The following FAT4 variants were observed in gnomAD, a reference collection of about 807,000 sequenced individuals.
The protein encoded by FAT4 is protocadherin Fat 4.
Under a neutral mutation model 303.9 loss-of-function variants are expected in FAT4, and 84 were observed. The ratio of observed to expected loss-of-function variants is 0.28; its 90% CI spans 0.23 to 0.33. The LOEUF is 0.33. Among genes scored for constraint, FAT4 ranks in the 10% least tolerant of loss-of-function variants. FAT4 has a pLI of 1.00. For synonymous variants in FAT4, 2,307 were observed against 2,298.8 expected (o/e 1.00, Z -0.10); for missense variants, 6,005 against 6,146.8 (o/e 0.98, Z 0.77).
rs540155475 is a variant in FAT4, at chr4:125,411,509, T to C, written c.5920+2715T>C. On this transcript the variant is annotated intron_variant, in intron 5 of 17. Transcript: ENST00000394329. ...TAATATTGGTGTACAATACAGACCA[T>C]TGAGTTTCATATATTCCAGTGACCT... Among the ~76,000 whole-genome samples, 3 of 151,956 alleles carry C rather than the reference T, an allele frequency of 2.0e-5. No homozygotes were observed. The South Asian group carries it at 6.2e-4, about 32-fold the overall frequency.
intron 2 of FAT4, among the ~76,000 whole-genome samples, chr4:125,349,568 C>A (rs1732140779): frequency 1.3e-5 from 2 of 151,608 alleles, no homozygotes; most frequent in African/African-American, 4.8e-5. Flanking sequence ...GATGTTCATA[C>A]CTAGAGAGAT....
chr4:125,433,880 A>G (rs1324236167), intron 7 of FAT4, among the ~76,000 whole-genome samples: 1 of 152,126 alleles, frequency 6.6e-6, no homozygotes, highest in Non-Finnish European at 1.5e-5. Context: ...GCCTGTGGGT[A>G]TTCTTCAAAT....
At chr4:125,344,181 A>G (rs1476959379) in intron 2 of FAT4, among the ~76,000 whole-genome samples, 3 of 152,202 alleles carry the variant, frequency 2.0e-5, no homozygotes, top group Non-Finnish European at 4.4e-5. Flanking sequence ...ATTTCGAATA[A>G]GATTATCTCC....
Position 125,407,157 on chromosome 4 carries a change from C to T in FAT4, c.5569+16C>T, listed in dbSNP as rs201160284. 2.5e-6 allele frequency: 4 copies of T among 1,591,032 alleles called. No individual in the cohort carries two copies. The highest frequency in any genetic ancestry group is 3.4e-4 in the Middle Eastern group (2 of 5,930). Reference sequence around the variant, plus strand: ...ACAATCCCTGGTAGGTGATGGGTCTCTTATGTGTATTTTGCAAGAATCGCT... The same window carrying T: ...ACAATCCCTGGTAGGTGATGGGTCTTTTATGTGTATTTTGCAAGAATCGCT... On this transcript the variant is annotated intron_variant, in intron 4 of 17. Transcript: ENST00000394329.
chr4:125,467,914 C>T (rs752544174), intron 11 of FAT4, among the ~76,000 whole-genome samples: 1 of 152,146 alleles, frequency 6.6e-6, no homozygotes, highest in Non-Finnish European at 1.5e-5. Context: ...CCTGTAATCC[C>T]AACACTTTGG....
intron 2 of FAT4, chr4:125,394,081 A>G: frequency 1.4e-6 from 1 of 740,152 alleles, no homozygotes; most frequent in Non-Finnish European, 2.5e-6. Context: ...TTAAAGGACC[A>G]GATATCTAAG....
chr4:125,318,027 G>T lies in FAT4; in HGVS notation c.1616G>T (p.Gly539Val), dbSNP rs973282739. 1.2e-6 allele frequency: 2 copies of T among 1,614,160 alleles called. No individual in the cohort carries two copies. Among genetic ancestry groups the T allele is most frequent in the South Asian group, 1.1e-5 (1 of 91,082 alleles). The change falls in exon 2 of 18, where the codon GGC (glycine) becomes GTC (valine). Residue 539 changes from glycine (G) to valine (V), a missense_variant. By Grantham distance (109) the Gly-to-Val change is moderately radical. Transcript: ENST00000394329. ...SGLVTTGSSG[G>V]LDRELASQIV... ...CTCGTGACCACTGGGTCCTCTGGGGGCCTGGACCGTGAACTTGCTTCCCAG... is the reference window on the plus strand; with the variant it reads ...CTCGTGACCACTGGGTCCTCTGGGGTCCTGGACCGTGAACTTGCTTCCCAG...
intron 2 of FAT4, among the ~76,000 whole-genome samples, chr4:125,363,545 G>T (rs1732752151): frequency 6.6e-6 from 1 of 151,608 alleles, no homozygotes; most frequent in Admixed American, 6.6e-5. Context: ...TGCCAGCCTG[G>T]AGTGCAGTGG....
At chr4:125,410,995 T>TAAGC in intron 5 of FAT4, among the ~76,000 whole-genome samples, 1 of 152,148 alleles carries the variant, frequency 6.6e-6, no homozygotes, top group South Asian at 2.1e-4. Context: ...TATACAAAGG[T>TAAGC]AAGCTTGTTT....
chr4:125,453,631 G>A (rs1409619397), intron 10 of FAT4, among the ~76,000 whole-genome samples: 1 of 151,880 alleles, frequency 6.6e-6, no homozygotes, highest in African/African-American at 2.4e-5. Flanking sequence ...ACTTAAATTC[G>A]GGAGGCAGAG....
chr4:125,390,228 C>T (rs1328246609), intron 2 of FAT4, among the ~76,000 whole-genome samples: 1 of 152,022 alleles, frequency 6.6e-6, no homozygotes. Context: ...TAACTCTATA[C>T]TTGATTCTCA....
chr4:125,415,806 G>C lies in FAT4; in HGVS notation c.6843G>C (p.Gln2281His). The C allele has an allele frequency of 6.3e-7, 1 of 1,594,710 alleles. No homozygotes were observed. Among genetic ancestry groups the C allele is most frequent in the Non-Finnish European group, 8.6e-7 (1 of 1,168,604 alleles). ...NLGTLPRTIL[Q>H]VVARDDDRGS... is the part of the protein sequence containing the mutation. Reference sequence around the variant, plus strand: ...GGACACTACCCAGAACAATTCTTCAGGTCAGTATATTTAAATAAAGCAAGT... The same window carrying C: ...GGACACTACCCAGAACAATTCTTCACGTCAGTATATTTAAATAAAGCAAGT... Residue 2281 changes from glutamine to histidine, a missense_variant and splice_region_variant, in exon 6 of 18, where the codon CAG becomes CAC. Transcript: ENST00000394329.
rs1256548008 is a variant in FAT4, at chr4:125,491,879, T to C, written c.*111T>C. 3.6e-6 allele frequency: 4 copies of C among 1,101,508 alleles called. No individual in the cohort carries two copies. The highest frequency in any genetic ancestry group is 3.8e-6 in the Non-Finnish European group (3 of 783,864). The allele number at this position is 1,101,508 out of a possible 1,614,324, so 68.2% of individuals were successfully genotyped here. A position where few individuals can be genotyped will look rare whatever the true frequency, so the allele number is the denominator to read the frequency against. ...TGAAAAACAGGCCAGTATGGACTAGTGGTGGAGGGAAAACTTTAAAAATAA... is the reference window on the plus strand; with the variant it reads ...TGAAAAACAGGCCAGTATGGACTAGCGGTGGAGGGAAAACTTTAAAAATAA... On this transcript the variant is annotated 3_prime_UTR_variant, in exon 18 of 18. Transcript: ENST00000394329.
At chr4:125,397,733 C>T (rs1003705612) in intron 2 of FAT4, among the ~76,000 whole-genome samples, 3 of 152,140 alleles carry the variant, frequency 2.0e-5, no homozygotes, top group Admixed American at 2.0e-4. Flanking sequence ...CTACTTACTG[C>T]CTCTCCCCTT....
Position 125,468,825 on chromosome 4 carries a change from A to G in FAT4, c.12213+6A>G. 6.2e-7 allele frequency: 1 copy of G among 1,600,362 alleles called. No homozygotes were observed. Among genetic ancestry groups the G allele is most frequent in the Non-Finnish European group, 8.5e-7 (1 of 1,170,202 alleles). On this transcript the variant is annotated splice_donor_region_variant and intron_variant, in intron 12 of 17. Coordinates refer to ENST00000394329, the MANE Select transcript of FAT4 (RefSeq NM_001291303.3). ...TTGCCAGGAGAGCAGGAATGGTAAG[A>G]TATTTCATTTTATTGTTGTTGTATA...
intron 2 of FAT4, among the ~76,000 whole-genome samples, chr4:125,371,864 C>T (rs1248443054): frequency 6.6e-6 from 1 of 151,958 alleles, no homozygotes; most frequent in Non-Finnish European, 1.5e-5. Context: ...GAATGTCTTC[C>T]TGTGACGGGG....
chr4:125,436,270 C>T (rs1257154306), intron 8 of FAT4, among the ~76,000 whole-genome samples: 1 of 151,724 alleles, frequency 6.6e-6, no homozygotes, highest in Non-Finnish European at 1.5e-5. Context: ...TCCACTCAAA[C>T]ACCTAGGCAG....
intron 2 of FAT4, among the ~76,000 whole-genome samples, chr4:125,378,637 A>G (rs1010543010): frequency 2.6e-5 from 4 of 152,140 alleles, no homozygotes; most frequent in African/African-American, 9.6e-5. Flanking sequence ...GTTTTGTTAT[A>G]GAATATTTGT....
In FAT4 at chr4:125,487,587, A is replaced by C. The variant is rs150038254; in HGVS notation, c.13065A>C (p.Ala4355=). The change falls in exon 17 of 18, where the codon GCA becomes GCC. Residue 4355 remains alanine (A), a synonymous_variant. Transcript: ENST00000394329. ...ISLGGIPPNQ[A]HRDAQTAGFD... is the part of the protein sequence containing the mutation. ...TTGGAGGAATTCCACCCAATCAAGC[A>C]CATCGAGATGCCCAAACAGGTAAAT... 5 of 1,609,400 alleles carry C rather than the reference A, an allele frequency of 3.1e-6. No individual in the cohort carries two copies. The African/African-American group carries it at 4.0e-5, about 13-fold the overall frequency.
Sources: gnomAD v4.1 joint callset for allele counts (sites outside exome capture counted in the v4.1 genomes callset) on GRCh38, gnomAD v4.1.1 for gene constraint, MANE v1.5 for transcripts, NCBI Gene and HGNC (gene_info 2026-07-23, HGNC 2026-07-21) for gene names.